The following LRRC74A variants were observed in gnomAD, a reference collection of about 807,000 sequenced individuals.
LRRC74A encodes the protein leucine-rich repeat-containing protein 74A.
A neutral mutation model predicts 57.9 loss-of-function variants in LRRC74A; 44 were observed. That is an observed-to-expected ratio of 0.76 (90% confidence interval 0.60 to 0.98). The LOEUF (loss-of-function observed/expected upper bound fraction) is 0.98, where lower values mean the gene tolerates loss of function less well. Ranked by LOEUF, LRRC74A falls within the 50% of genes least tolerant of loss-of-function variation. LRRC74A has a pLI of 0.00. For missense variants in LRRC74A, 572 were observed against 574.0 expected (o/e 1.00, Z 0.04); for synonymous variants, 211 against 219.4 (o/e 0.96, Z 0.34).
intron 7 of LRRC74A, among the ~76,000 whole-genome samples, chr14:76,850,844 C>CAAAAAA (rs36208311): frequency 1.3e-4 from 17 of 130,910 alleles, no homozygotes; most frequent in Non-Finnish European, 1.8e-4. Flanking sequence ...AACTCTGTCT[C>CAAAAAA]AAAAAAAAAA....
chr14:76,835,871 A>T (rs1896293553), intron 3 of LRRC74A, among the ~76,000 whole-genome samples: 1 of 152,230 alleles, frequency 6.6e-6, no homozygotes, highest in Non-Finnish European at 1.5e-5. Context: ...TATTCAATGT[A>T]TCAAGTTTTC....
chr14:76,865,854 T>C (rs1882843), intron 11 of LRRC74A, 114 bp from the exon 12 acceptor site: 818,412 of 840,076 alleles, frequency 0.97, 399,648 homozygotes, highest in Non-Finnish European at 1. Context: ...TTCTGCCCTT[T>C]TTAGCCTTGT....
chr14:76,851,082 A>G (rs541755184), intron 7 of LRRC74A, among the ~76,000 whole-genome samples: 1 of 152,332 alleles, frequency 6.6e-6, no homozygotes, highest in Admixed American at 6.5e-5. Context: ...AAGCAAAATC[A>G]TCTTCAGGTC....
chr14:76,853,444 T>TGTGTGTGTGTGC (rs1315262801), intron 9 of LRRC74A, 34 bp downstream of exon 9: 3 of 1,447,478 alleles, frequency 2.1e-6, no homozygotes, highest in Admixed American at 2.3e-5. Flanking sequence ...TGTGTGTGTG[T>TGTGTGTGTGTGC]GTGTGTGTGT....
chr14:76,831,095 A>G, intron 2 of LRRC74A, 108 bp from the exon 3 acceptor site: 1 of 1,116,156 alleles, frequency 9.0e-7, no homozygotes, highest in Non-Finnish European at 1.3e-6. Flanking sequence ...ACAGGGAGAG[A>G]TCCTCTGGCA....
At chr14:76,860,293 T>C (rs1213027466) in intron 10 of LRRC74A, among the ~76,000 whole-genome samples, 1 of 152,174 alleles carries the variant, frequency 6.6e-6, no homozygotes, top group African/African-American at 2.4e-5. Context: ...GGTCACTTAT[T>C]GGAATCAGGG....
chr14:76,856,792 G>GTGGA (rs59726536), intron 9 of LRRC74A, among the ~76,000 whole-genome samples: 21,046 of 129,618 alleles, frequency 0.16, 2,828 homozygotes, highest in Non-Finnish European at 0.21. Flanking sequence ...GGATAAGTGA[G>GTGGA]TGGATGGATG....
chr14:76,842,639 GTATT>G (rs1437781066), intron 5 of LRRC74A, among the ~76,000 whole-genome samples: 1 of 150,784 alleles, frequency 6.6e-6, no homozygotes, highest in Non-Finnish European at 1.5e-5. Context: ...AGCCAAACAA[GTATT>G]TGTGTTCCAG....
chr14:76,864,413 G>C (rs1301717278), intron 11 of LRRC74A, among the ~76,000 whole-genome samples: 6 of 7,286 alleles, frequency 8.2e-4, no homozygotes, highest in Non-Finnish European at 9.3e-4. Context: ...GAGAGGAAGG[G>C]GGGGGGGGGG....
At chr14:76,861,919 A>C (rs1898343744) in intron 11 of LRRC74A, among the ~76,000 whole-genome samples, 1 of 152,248 alleles carries the variant, frequency 6.6e-6, no homozygotes, top group Admixed American at 6.5e-5. Flanking sequence ...AGTTTCTAGA[A>C]CTAAATAAAA....
chr14:76,828,653 C>G, intron 2 of LRRC74A: 1 of 660,048 alleles, frequency 1.5e-6, no homozygotes, highest in South Asian at 1.5e-5. Context: ...AGTGCCCTCA[C>G]GTCGTCTTGT....
intron 7 of LRRC74A, among the ~76,000 whole-genome samples, chr14:76,848,391 T>G (rs998888647): frequency 5.6e-5 from 8 of 143,132 alleles, no homozygotes; most frequent in African/African-American, 2.1e-4. Context: ...AGAGTGAGAC[T>G]CCATCTCAAA....
At chr14:76,867,492 C>A in intron 13 of LRRC74A, 54 bp downstream of exon 13, 2 of 883,852 alleles carry the variant, frequency 2.3e-6, no homozygotes, top group East Asian at 2.5e-5. Context: ...CCTGGCTGGG[C>A]TGATGTGAGC....
In LRRC74A at chr14:76,853,340, A is replaced by G; in HGVS notation, c.887A>G (p.Asp296Gly). 1 of 1,613,322 alleles carries G rather than the reference A, an allele frequency of 6.2e-7. No individual in the cohort carries two copies. Among genetic ancestry groups the G allele is most frequent in the South Asian group, 1.1e-5 (1 of 90,986 alleles). ...CLVYLDIGGN[D>G]IGNEGASKIS... ...GTCTACCTGGATATCGGTGGCAATGACATCGGCAATGAAGGGGCCTCCAAA... is the reference window on the plus strand; with the variant it reads ...GTCTACCTGGATATCGGTGGCAATGGCATCGGCAATGAAGGGGCCTCCAAA... Residue 296 changes from aspartate (D) to glycine (G), a missense_variant, in exon 9 of 14, where the codon GAC becomes GGC. Coordinates refer to ENST00000689127, the MANE Select transcript of LRRC74A (RefSeq NM_001385106.1).
intron 11 of LRRC74A, among the ~76,000 whole-genome samples, chr14:76,861,073 AAGGG>A (rs1275915903): frequency 1.6e-4 from 24 of 152,276 alleles, no homozygotes; most frequent in African/African-American, 5.5e-4. Flanking sequence ...GATCTAGCTG[AAGGG>A]GGCAGGTGGA....
At chr14:76,840,784 C>A (rs1000212016) in intron 5 of LRRC74A, among the ~76,000 whole-genome samples, 2 of 151,788 alleles carry the variant, frequency 1.3e-5, no homozygotes, top group Non-Finnish European at 2.9e-5. Flanking sequence ...GGGGTTTCAC[C>A]GTGTTAGCCA....
In LRRC74A at chr14:76,826,431, G is replaced by A. The variant is rs1404296359; in HGVS notation, c.-267G>A. On this transcript the variant is annotated 5_prime_UTR_variant, in exon 1 of 14. Coordinates refer to ENST00000689127, the MANE Select transcript of LRRC74A (RefSeq NM_001385106.1). ...CAACAGGGCTCCCAGCAATAGAGCA[G>A]TCCCACTCTCCCAGATGAGCTGGAG... is the stretch of plus-strand genomic sequence containing the variant. 3 of 1,263,956 alleles carry A rather than the reference G, an allele frequency of 2.4e-6. No homozygotes were observed. The highest frequency in any genetic ancestry group is 3.3e-6 in the Non-Finnish European group (3 of 907,712). 78.3% of individuals were successfully genotyped at this position (1,263,956 alleles called of 1,614,324 possible).
intron 9 of LRRC74A, 131 bp from the exon 10 acceptor site, chr14:76,857,249 A>T (rs1241824014): frequency 1.7e-6 from 1 of 599,430 alleles, no homozygotes; most frequent in East Asian, 3.0e-5. Context: ...CAGAAGGACA[A>T]GGAGATAATT....
chr14:76,831,082 C>A (rs1355617165), intron 2 of LRRC74A, 121 bp from the exon 3 acceptor site: 8 of 1,006,956 alleles, frequency 7.9e-6, no homozygotes, highest in Non-Finnish European at 1.2e-5. Flanking sequence ...TTAGCACATA[C>A]CCACAGGGAG....
Sources: allele counts gnomAD v4.1 joint callset (sites outside exome capture counted in the v4.1 genomes callset), GRCh38; gene constraint gnomAD v4.1.1; transcripts MANE v1.5; gene names NCBI Gene and HGNC (gene_info 2026-07-23, HGNC 2026-07-21).